The following ZNF248 variants were observed in gnomAD, a reference collection of about 807,000 sequenced individuals.
ZNF248 encodes KRAB protein domain.
Under a neutral mutation model 44.3 loss-of-function variants are expected in ZNF248, and 20 were observed. The ratio of observed to expected loss-of-function variants is 0.45; its 90% confidence interval spans 0.32 to 0.66. The LOEUF (loss-of-function observed/expected upper bound fraction) is 0.66, where lower values mean the gene tolerates loss of function less well. ZNF248 is among the 30% of genes least tolerant of loss of function. The pLI is 0.04. For synonymous variants in ZNF248, 224 were observed against 229.0 expected (o/e 0.98, Z 0.20); for missense variants, 654 against 677.0 (o/e 0.97, Z 0.38).
chr10:37,848,659 A>T (rs896092197), intron 3 of ZNF248, among the ~76,000 whole-genome samples: 19 of 152,106 alleles, frequency 1.2e-4, no homozygotes, highest in African/African-American at 4.1e-4. Context: ...TTTCTGAAAG[A>T]TACGGAATGG....
intron 6 of ZNF248, among the ~76,000 whole-genome samples, chr10:37,816,619 C>T (rs1480728242): frequency 6.6e-6 from 1 of 152,202 alleles, no homozygotes; most frequent in Non-Finnish European, 1.5e-5. Context: ...GGAATTCTCA[C>T]TGAAGCTGTC....
intron 3 of ZNF248, among the ~76,000 whole-genome samples, chr10:37,839,421 A>G (rs1258695361): frequency 1.3e-5 from 2 of 152,084 alleles, no homozygotes; most frequent in Non-Finnish European, 2.9e-5. Flanking sequence ...TTCTAACGCC[A>G]TGCTCCAATA....
chr10:37,836,352 T>C (rs1564600373), intron 5 of ZNF248, among the ~76,000 whole-genome samples: 1 of 152,228 alleles, frequency 6.6e-6, no homozygotes, highest in East Asian at 1.9e-4. Context: ...CAGTTTCTCA[T>C]AGCACCAAAA....
chr10:37,806,755 A>G (rs1302465781), intron 6 of ZNF248, among the ~76,000 whole-genome samples: 1 of 152,172 alleles, frequency 6.6e-6, no homozygotes, highest in Non-Finnish European at 1.5e-5. Context: ...TTGATAAAGT[A>G]AAATTTGTCT....
chr10:37,833,723 T>C (rs941280040), intron 5 of ZNF248, among the ~76,000 whole-genome samples: 2 of 152,128 alleles, frequency 1.3e-5, no homozygotes, highest in African/African-American at 4.8e-5. Flanking sequence ...TTTCTTTAAG[T>C]TTTATTGAGA....
intron 5 of ZNF248, among the ~76,000 whole-genome samples, chr10:37,834,086 T>C (rs980174442): frequency 6.6e-5 from 10 of 152,086 alleles, no homozygotes; most frequent in African/African-American, 2.4e-4. Context: ...CATTTTATCC[T>C]TATCTCTCCT....
intron 6 of ZNF248, among the ~76,000 whole-genome samples, chr10:37,816,719 T>C (rs1345629827): frequency 6.6e-6 from 1 of 152,208 alleles, no homozygotes; most frequent in African/African-American, 2.4e-5. Context: ...GGTCAGTTCA[T>C]TAGCAGAGTT....
At chr10:37,761,728 G>C in the ZNF248 span, among the ~76,000 whole-genome samples, 1 of 152,206 alleles carries the variant, frequency 6.6e-6, no homozygotes, top group South Asian at 2.1e-4. Flanking sequence ...TCTCCCCAGA[G>C]ACTGCTGTTA....
downstream of ZNF248, among the ~76,000 whole-genome samples, chr10:37,823,983 G>T (rs1303599991): frequency 2.6e-5 from 4 of 152,120 alleles, no homozygotes; most frequent in Non-Finnish European, 5.9e-5. Flanking sequence ...TGGTGGCTAT[G>T]TCAGTTTTCC....
At chr10:37,778,810 A>T (rs1188073061) in intron 6 of ZNF248, among the ~76,000 whole-genome samples, 4 of 152,232 alleles carry the variant, frequency 2.6e-5, no homozygotes, top group South Asian at 2.1e-4. Context: ...AAATAGAAGC[A>T]ATAAAAAATG....
At chr10:37,766,506 G>A in the ZNF248 span, among the ~76,000 whole-genome samples, 11 of 152,294 alleles carry the variant, frequency 7.2e-5, no homozygotes, top group African/African-American at 2.2e-4. Context: ...CTGATACCCA[G>A]GCAAACAGGG....
At chr10:37,786,921 T>G (rs1010086094) in intron 6 of ZNF248, among the ~76,000 whole-genome samples, 1 of 152,238 alleles carries the variant, frequency 6.6e-6, no homozygotes, top group Non-Finnish European at 1.5e-5. Flanking sequence ...TTAGGTGTCA[T>G]GTCTAAGAAA....
In ZNF248 at chr10:37,855,513, G is replaced by A. The variant is rs370758864; in HGVS notation, c.15+783C>T. On this transcript the variant is annotated intron_variant, in intron 3 of 5. Coordinates refer to ENST00000395867, the MANE Select transcript of ZNF248 (RefSeq NM_021045.3). ...AAGTAGGCTAAGGATGGAAATGCACGCATAAGCAATGCCTGGAGCAAAAAG... is the reference window on the plus strand; with the variant it reads ...AAGTAGGCTAAGGATGGAAATGCACACATAAGCAATGCCTGGAGCAAAAAG... Among the ~76,000 whole-genome samples the A allele has an allele frequency of 2.0e-4, 30 of 152,254 alleles. 1 individual carries two copies. The East Asian group carries it at 2.1e-3, about 11-fold the overall frequency.
chr10:37,841,448 CA>C (rs367552739), intron 3 of ZNF248, among the ~76,000 whole-genome samples: 1,616 of 102,706 alleles, frequency 0.016, 9 homozygotes, highest in Middle Eastern at 0.026. Flanking sequence ...AATTGTCTAC[CA>C]AAAAAAAAAA....
intron 6 of ZNF248, among the ~76,000 whole-genome samples, chr10:37,779,950 C>T (rs1441205142): frequency 6.7e-6 from 1 of 149,820 alleles, no homozygotes; most frequent in South Asian, 2.1e-4. Flanking sequence ...TAGGAATCCA[C>T]CTTACAAGGG....
chr10:37,791,311 G>A (rs2048527143), intron 6 of ZNF248, among the ~76,000 whole-genome samples: 2 of 151,718 alleles, frequency 1.3e-5, no homozygotes, highest in Admixed American at 6.6e-5. Context: ...CAAAGTGCTG[G>A]GATTACAGGT....
Position 37,830,582 on chromosome 10 carries a change from G to A in ZNF248, c.*1033C>T, listed in dbSNP as rs763776638. ...AGGAAATAGAAGGGGTATGTGGTTTGTATTGCCAAATACGTTTTCATATAT... is the reference window on the plus strand; with the variant it reads ...AGGAAATAGAAGGGGTATGTGGTTTATATTGCCAAATACGTTTTCATATAT... On this transcript the variant is annotated 3_prime_UTR_variant, in exon 6 of 6. Transcript: ENST00000395867. 2.0e-6 allele frequency: 2 copies of A among 985,346 alleles called. No individual in the cohort carries two copies. Among genetic ancestry groups the A allele is most frequent in the Non-Finnish European group, 2.4e-6 (2 of 829,890 alleles). 61.0% of individuals were successfully genotyped at this position (985,346 alleles called of 1,614,324 possible). A position where few individuals can be genotyped will look rare whatever the true frequency, so the allele number is the denominator to read the frequency against.
chr10:37,843,985 A>AATG (rs1410088776), intron 3 of ZNF248, among the ~76,000 whole-genome samples: 1 of 152,158 alleles, frequency 6.6e-6, no homozygotes, highest in Non-Finnish European at 1.5e-5. Context: ...AAGAGAGAGA[A>AATG]ATGGGGAGAA....
the ZNF248 span, among the ~76,000 whole-genome samples, chr10:37,766,646 A>G: frequency 6.6e-6 from 1 of 152,242 alleles, no homozygotes; most frequent in African/African-American, 2.4e-5. Flanking sequence ...ATCAAAGACC[A>G]AAAGTAGATA....
Sources: allele counts gnomAD v4.1 joint callset (sites outside exome capture counted in the v4.1 genomes callset), GRCh38; gene constraint gnomAD v4.1.1; transcripts MANE v1.5; gene names NCBI Gene and HGNC (gene_info 2026-07-23, HGNC 2026-07-21).